The following NBPF20 variants were observed in gnomAD, a reference collection of about 807,000 sequenced individuals.
NBPF20 encodes NBPF family member NBPF20.
A neutral mutation model predicts 68.1 loss-of-function variants in NBPF20; 90 were observed. The ratio of observed to expected loss-of-function variants is 1.32; its 90% CI spans 1.11 to 1.58. NBPF20 has a LOEUF of 1.58. Ranked by LOEUF, NBPF20 falls within the 40% of genes most tolerant of loss-of-function variation. The probability of loss-of-function intolerance (pLI) is 0.00; values close to 1 mark genes in which losing one functional copy is unlikely to be tolerated. For synonymous variants in NBPF20, 290 were observed against 228.1 expected (o/e 1.27, Z -2.45); for missense variants, 816 against 601.2 (o/e 1.36, Z -3.74).
At chr1:145,390,341 CACAG>C (rs1661944156) in intron 13 of NBPF20, among the ~76,000 whole-genome samples, 1 of 64,292 alleles carries the variant, frequency 1.6e-5, no homozygotes, top group Non-Finnish European at 2.6e-5. Context: ...CACACACACA[CACAG>C]ACACACACAC....
exon 1 of NBPF20, chr1:145,405,435 C>G: frequency 6.3e-7 from 1 of 1,576,766 alleles, no homozygotes; most frequent in Admixed American, 1.8e-5. Context: ...GATCACTCCC[C>G]ACAGCACTTT....
rs1205197236 is a variant in NBPF20 at position 145,394,958 on chromosome 1, C to T, written c.991+20G>A. ...GGGCCATGAACTGGAGCTTTATCAC[C>T]TTCACAGTGTAGTACTCACTGCCTA... On this transcript the variant is annotated intron_variant, in intron 8 of 137. Coordinates refer to ENST00000369373, the Ensembl canonical transcript of NBPF20. The T allele has an allele frequency of 6.2e-7, 1 of 1,611,858 alleles. No homozygotes were observed. Among genetic ancestry groups the T allele is most frequent in the Non-Finnish European group, 8.5e-7 (1 of 1,179,818 alleles).
exon 4 of NBPF20, chr1:145,402,201 T>G: frequency 6.4e-7 from 1 of 1,569,216 alleles, no homozygotes; most frequent in Non-Finnish European, 8.8e-7. Context: ...GCTGTGCCAG[T>G]CTACACCCCT....
At chr1:145,402,895 G>A (rs1365437433) in intron 3 of NBPF20, among the ~76,000 whole-genome samples, 3 of 151,206 alleles carry the variant, frequency 2.0e-5, no homozygotes, top group African/African-American at 7.3e-5. Context: ...GGTAAGTGGG[G>A]TGGTGATGGC....
At chr1:145,291,433 G>C (rs1300217694) in exon 138 of NBPF20, 5 of 1,610,286 alleles carry the variant, frequency 3.1e-6, no homozygotes, top group Non-Finnish European at 4.2e-6. Flanking sequence ...CCTATGTCTG[G>C]GCTTCCAAAT....
rs1367125382 is a variant in NBPF20 at position 145,403,142 on chromosome 1, T to C, written c.278+74A>G. 3 of 1,572,288 alleles carry C rather than the reference T, an allele frequency of 1.9e-6. No homozygotes were observed. In the African/African-American group the frequency reaches 4.1e-5, roughly 21 times the overall value. ...CCCCTGGCCCAGCTTAGCTCTTACG[T>C]CTCCCCACCGAGCTGCTGTATTTCA... On this transcript the variant is annotated intron_variant, in intron 3 of 137. Coordinates refer to ENST00000369373, the Ensembl canonical transcript of NBPF20.
At chr1:145,417,677 C>T in the NBPF20 span, among the ~76,000 whole-genome samples, 1 of 120,582 alleles carries the variant, frequency 8.3e-6, no homozygotes, top group South Asian at 2.7e-4. Context: ...ATAAGATATA[C>T]AGATGGCAAA....
At chr1:145,412,564 T>C in the NBPF20 span, among the ~76,000 whole-genome samples, 1 of 151,948 alleles carries the variant, frequency 6.6e-6, no homozygotes, top group Non-Finnish European at 1.5e-5. Flanking sequence ...AGAATGCCCA[T>C]AAAATTATTA....
Position 145,311,210 on chromosome 1 carries a change from GC to G in NBPF20, c.13712+226del, listed in dbSNP as rs1661469682. ...AACTTGCTCAAGATTCCATGCAGTTGCCATACAGCCTTTGAGGTATGGTCAA... is the reference window on the plus strand; with the variant it reads ...AACTTGCTCAAGATTCCATGCAGTTGCATACAGCCTTTGAGGTATGGTCAA... On this transcript the variant is annotated intron_variant, in intron 113 of 137. Transcript: ENST00000369373. Among the ~76,000 whole-genome samples the G allele has an allele frequency of 2.8e-4, 4 of 14,228 alleles. 1 individual carries two copies. The allele number at this position is 14,228 out of a possible 152,430, so 9.3% of individuals were successfully genotyped here.
intron 75 of NBPF20, 53 bp from the exon 81 acceptor site, chr1:145,340,992 C>T: frequency 9.0e-6 from 1 of 111,582 alleles, no homozygotes; most frequent in South Asian, 3.7e-5. Context: ...AGAAACCACA[C>T]AGCCCCAGCT....
intron 83 of NBPF20, among the ~76,000 whole-genome samples, 198 bp from the exon 89 acceptor site, chr1:145,334,829 G>C (rs1489761541): frequency 7.2e-6 from 1 of 138,836 alleles, no homozygotes; most frequent in Non-Finnish European, 1.7e-5. Flanking sequence ...GACAGGGAGA[G>C]GGAGGGAGAG....
chr1:145,291,917 A>C (rs587720629), intron 137 of NBPF20, 148 bp from the exon 143 acceptor site: 4 of 1,518,366 alleles, frequency 2.6e-6, no homozygotes, highest in South Asian at 1.3e-5. Context: ...TATTGCCTAT[A>C]TGTTGGGATA....
the NBPF20 span, among the ~76,000 whole-genome samples, chr1:145,416,722 G>A: frequency 6.6e-6 from 1 of 150,692 alleles, no homozygotes; most frequent in Non-Finnish European, 1.5e-5. Flanking sequence ...GCTAGAAAAA[G>A]GCTGAACAAA....
At chr1:145,415,303 C>T in the NBPF20 span, among the ~76,000 whole-genome samples, 3 of 151,726 alleles carry the variant, frequency 2.0e-5, no homozygotes, top group Non-Finnish European at 4.4e-5. Context: ...AATATACAAT[C>T]GGGCTTTACA....
chr1:145,397,660 G>A (rs1453894097), intron 7 of NBPF20, among the ~76,000 whole-genome samples: 1 of 152,184 alleles, frequency 6.6e-6, no homozygotes, highest in Non-Finnish European at 1.5e-5. Flanking sequence ...TTGACGCTAG[G>A]AAGAAACTGC....
At chr1:145,402,687 A>G (rs1662579524) in intron 3 of NBPF20, among the ~76,000 whole-genome samples, 1 of 150,476 alleles carries the variant, frequency 6.6e-6, no homozygotes, top group Non-Finnish European at 1.5e-5. Context: ...CACTCTGGCC[A>G]TGGACATTTC....
At chr1:145,393,440 C>G (rs1209779577) in intron 9 of NBPF20, among the ~76,000 whole-genome samples, 194 bp from the exon 15 acceptor site, 1 of 137,058 alleles carries the variant, frequency 7.3e-6, no homozygotes, top group Non-Finnish European at 1.6e-5. Context: ...GAGAGACACA[C>G]ACTCACACAC....
At chr1:145,408,905 A>G (rs587673844), upstream of NBPF20, among the ~76,000 whole-genome samples, 8 of 151,254 alleles carry the variant, frequency 5.3e-5, no homozygotes, top group Admixed American at 4.0e-4. Flanking sequence ...TAAGATGATG[A>G]AATCAACTTT....
intron 5 of NBPF20, 86 bp from the exon 11 acceptor site, chr1:145,400,680 G>A (rs1436544839): frequency 3.5e-5 from 53 of 1,521,358 alleles, no homozygotes; most frequent in Middle Eastern, 2.3e-4. Context: ...TTTGACAGGC[G>A]GCATTAAGAG....
Sources: allele counts gnomAD v4.1 joint callset (sites outside exome capture counted in the v4.1 genomes callset), GRCh38; gene constraint gnomAD v4.1.1; transcripts MANE v1.5; gene names NCBI Gene and HGNC (gene_info 2026-07-23, HGNC 2026-07-21).